Variants in CERT1 observed in about 807,000 individuals in gnomAD.
The protein encoded by CERT1 is ceramide transfer protein.
CERT1 carries 31 observed loss-of-function variants against 87.9 expected under a neutral mutation model. The observed-to-expected ratio is 0.35, with a 90% confidence interval of 0.27 to 0.48. The LOEUF (loss-of-function observed/expected upper bound fraction) is 0.48. CERT1 is among the 20% of genes least tolerant of loss of function. The probability of loss-of-function intolerance (pLI) is 0.99; values close to 1 mark genes in which losing one functional copy is unlikely to be tolerated. For synonymous variants in CERT1, 289 were observed against 250.9 expected, an observed-to-expected ratio of 1.15 and a Z score of -1.44; for missense variants, 487 against 758.0, an observed-to-expected ratio of 0.64 and a Z score of 4.20.
intron 2 of CERT1, among the ~76,000 whole-genome samples, chr5:75,465,091 C>A (rs929741676): frequency 6.6e-6 from 1 of 152,180 alleles, no homozygotes; most frequent in African/African-American, 2.4e-5. Context: ...CAGGAGTCAA[C>A]CAGAGACTTG....
intron 2 of CERT1, among the ~76,000 whole-genome samples, chr5:75,492,767 T>C (rs1766858345): frequency 6.6e-6 from 1 of 152,188 alleles, no homozygotes; most frequent in African/African-American, 2.4e-5. Context: ...ACTATCAACG[T>C]CCAGAGAGCA....
chr5:75,460,662 C>G (rs555418656), intron 2 of CERT1, among the ~76,000 whole-genome samples: 7 of 152,206 alleles, frequency 4.6e-5, no homozygotes, highest in Non-Finnish European at 8.8e-5. Context: ...CTGGGCAACA[C>G]GACAGTGAAC....
intron 2 of CERT1, among the ~76,000 whole-genome samples, chr5:75,486,563 T>A (rs1237028317): frequency 6.6e-6 from 1 of 152,110 alleles, no homozygotes; most frequent in Non-Finnish European, 1.5e-5. Context: ...TATGCTTATC[T>A]GGAAATGATA....
chr5:75,472,286 T>G (rs907938445), intron 2 of CERT1, among the ~76,000 whole-genome samples: 1 of 152,170 alleles, frequency 6.6e-6, no homozygotes, highest in East Asian at 1.9e-4. Context: ...TGAAAGTGAA[T>G]TAAAATCTGA....
chr5:75,382,709 G>T (rs753708885), intron 14 of CERT1, among the ~76,000 whole-genome samples: 1 of 151,432 alleles, frequency 6.6e-6, no homozygotes, highest in Non-Finnish European at 1.5e-5. Flanking sequence ...TGGTTATCTC[G>T]TATATGTATC....
At chr5:75,486,853 A>G (rs1580840921) in intron 2 of CERT1, among the ~76,000 whole-genome samples, 1 of 152,268 alleles carries the variant, frequency 6.6e-6, no homozygotes, top group Non-Finnish European at 1.5e-5. Context: ...CAACGGAAAG[A>G]TATCACATAT....
intron 2 of CERT1, among the ~76,000 whole-genome samples, chr5:75,463,282 AC>A: frequency 6.6e-6 from 1 of 152,092 alleles, no homozygotes; most frequent in East Asian, 1.9e-4. Context: ...CAAACCCTCT[AC>A]CCCACAATTA....
At chr5:75,493,476 C>T (rs1048976953) in intron 2 of CERT1, among the ~76,000 whole-genome samples, 73 of 152,158 alleles carry the variant, frequency 4.8e-4, no homozygotes, top group African/African-American at 1.6e-3. Context: ...AATTATTCTT[C>T]AGAAGAATGT....
At chr5:75,428,217 A>C (rs1763704188) in intron 3 of CERT1, among the ~76,000 whole-genome samples, 1 of 152,178 alleles carries the variant, frequency 6.6e-6, no homozygotes, top group Non-Finnish European at 1.5e-5. Flanking sequence ...TATTAGCACT[A>C]GTTTAAAACA....
At chr5:75,420,350 T>G (rs1011380203) in intron 5 of CERT1, among the ~76,000 whole-genome samples, 1 of 151,030 alleles carries the variant, frequency 6.6e-6, no homozygotes, top group Non-Finnish European at 1.5e-5. Flanking sequence ...ATCGACTGTT[T>G]TTTTTTTTTT....
At chr5:75,434,027 G>A (rs928970992) in intron 3 of CERT1, among the ~76,000 whole-genome samples, 1 of 152,028 alleles carries the variant, frequency 6.6e-6, no homozygotes, top group Non-Finnish European at 1.5e-5. Flanking sequence ...CCAGCATTAT[G>A]TTCAATAGGA....
At chr5:75,473,487 G>C (rs901059154) in intron 2 of CERT1, among the ~76,000 whole-genome samples, 1 of 151,644 alleles carries the variant, frequency 6.6e-6, no homozygotes, top group South Asian at 2.1e-4. Flanking sequence ...GACAAATAAC[G>C]CATTATTTCC....
chr5:75,383,352 G>A (rs1261784635), intron 14 of CERT1, among the ~76,000 whole-genome samples: 1 of 151,918 alleles, frequency 6.6e-6, no homozygotes, highest in Non-Finnish European at 1.5e-5. Flanking sequence ...CAACTTATAT[G>A]ACCCTCCCTC....
chr5:75,402,662 C>T lies in CERT1; in HGVS notation c.1017+310G>A, dbSNP rs148208042. 2.1e-3 allele frequency: 371 copies of T among 180,424 alleles called. 1 individual carries two copies. The East Asian group carries it at 0.027, about 13-fold the overall frequency. The allele number at this position is 180,424 out of a possible 1,614,324, so 11.2% of individuals were successfully genotyped here. A position where few individuals can be genotyped will look rare whatever the true frequency, so the allele number is the denominator to read the frequency against. On this transcript the variant is annotated intron_variant, in intron 9 of 16. Transcript: ENST00000643780. Reference sequence around the variant, plus strand: ...AAACACAAAAAAATTTAGTCAGGCACGGTGGCGCGCACCTGTAGTCCCAGC... The same window carrying T: ...AAACACAAAAAAATTTAGTCAGGCATGGTGGCGCGCACCTGTAGTCCCAGC...
chr5:75,466,954 C>G (rs1271094425), intron 2 of CERT1, among the ~76,000 whole-genome samples: 1 of 152,176 alleles, frequency 6.6e-6, no homozygotes, highest in Non-Finnish European at 1.5e-5. Context: ...TCCAGGTGAT[C>G]CTCTTTATTG....
At chr5:75,497,089 A>G (rs1311069381) in intron 2 of CERT1, among the ~76,000 whole-genome samples, 1 of 152,202 alleles carries the variant, frequency 6.6e-6, no homozygotes, top group Non-Finnish European at 1.5e-5. Context: ...TAAAGAGTTA[A>G]CTATTTTTTT....
chr5:75,446,775 AC>A (rs1764556927), intron 3 of CERT1, among the ~76,000 whole-genome samples: 1 of 152,198 alleles, frequency 6.6e-6, no homozygotes. Context: ...CTGAGCATGC[AC>A]AATCATCACT....
intron 4 of CERT1, among the ~76,000 whole-genome samples, chr5:75,426,118 T>C (rs771295234): frequency 6.6e-6 from 1 of 152,232 alleles, no homozygotes; most frequent in African/African-American, 2.4e-5. Flanking sequence ...CATTTCAGTA[T>C]TCTTCAGATT....
chr5:75,390,923 C>T (rs1303188744), intron 11 of CERT1, among the ~76,000 whole-genome samples: 1 of 152,180 alleles, frequency 6.6e-6, no homozygotes, highest in Non-Finnish European at 1.5e-5. Context: ...CCTGCCTCAG[C>T]CTCCTAAGTA....
Sources: gnomAD v4.1 joint callset for allele counts (sites outside exome capture counted in the v4.1 genomes callset) on GRCh38, gnomAD v4.1.1 for gene constraint, MANE v1.5 for transcripts, NCBI Gene and HGNC (gene_info 2026-07-23, HGNC 2026-07-21) for gene names.